ANKDD1B: variants seen among roughly 807,000 people sequenced by gnomAD.
ANKDD1B encodes the protein ankyrin repeat and death domain containing 1B, also known as ankyrin repeat and death domain-containing protein 1B.
A neutral mutation model predicts 59.7 loss-of-function variants in ANKDD1B; 57 were observed. The observed-to-expected ratio is 0.95, with a 90% CI of 0.77 to 1.19. The LOEUF is 1.19. Among genes scored for constraint, ANKDD1B ranks in the 50% most tolerant of loss-of-function variants. The pLI, the probability that ANKDD1B is intolerant of heterozygous loss-of-function variation, is 0.00. For missense variants in ANKDD1B, 602 were observed against 641.9 expected, an observed-to-expected ratio of 0.94 and a Z score of 0.67; for synonymous variants, 216 against 239.5, an observed-to-expected ratio of 0.90 and a Z score of 0.91.
chr5:75,666,591 C>G (rs572284717), intron 11 of ANKDD1B, among the ~76,000 whole-genome samples: 1 of 150,324 alleles, frequency 6.7e-6, no homozygotes, highest in East Asian at 2.0e-4. Flanking sequence ...CAGACGGTAC[C>G]CAAGCTTTTA....
At chr5:75,636,587 C>T (rs1457593666) in intron 7 of ANKDD1B, among the ~76,000 whole-genome samples, 1 of 152,138 alleles carries the variant, frequency 6.6e-6, no homozygotes, top group African/African-American at 2.4e-5. Context: ...TGGGATTCAT[C>T]TTAGGTGTGG....
In ANKDD1B at chr5:75,611,556, G is replaced by A. The variant is rs1773552852; in HGVS notation, c.-79G>A. 1.7e-6 allele frequency: 2 copies of A among 1,142,860 alleles called. No individual in the cohort carries two copies. The highest frequency in any genetic ancestry group is 2.2e-6 in the Non-Finnish European group (2 of 909,686). 70.8% of individuals were successfully genotyped at this position (1,142,860 alleles called of 1,614,324 possible). On this transcript the variant is annotated 5_prime_UTR_variant, in exon 1 of 14. Coordinates refer to ENST00000601380, the MANE Select transcript of ANKDD1B (RefSeq NM_001276713.2). ...CCGCGCCCTGGGCCTGCCTGGGTCTGGATCTGTGTCCGAGTCTGGGTCTGG... is the reference window on the plus strand; with the variant it reads ...CCGCGCCCTGGGCCTGCCTGGGTCTAGATCTGTGTCCGAGTCTGGGTCTGG...
chr5:75,626,782 GTT>G, intron 5 of ANKDD1B, among the ~76,000 whole-genome samples: 1 of 146,620 alleles, frequency 6.8e-6, no homozygotes, highest in African/African-American at 2.5e-5. Flanking sequence ...TCTAGGCCTT[GTT>G]TTTTTTTTTT....
At chr5:75,622,308 C>T (rs1021717736) in intron 3 of ANKDD1B, among the ~76,000 whole-genome samples, 2 of 152,174 alleles carry the variant, frequency 1.3e-5, no homozygotes, top group Admixed American at 6.5e-5. Flanking sequence ...ATCTCAGGCC[C>T]CACCCCAGGC....
At chr5:75,648,264 A>AAAC (rs1554068879) in intron 7 of ANKDD1B, among the ~76,000 whole-genome samples, 19 of 36,152 alleles carry the variant, frequency 5.3e-4, no homozygotes, top group African/African-American at 7.3e-4. Flanking sequence ...AAAAAAAAAA[A>AAAC]ATTAAAAAAA....
chr5:75,639,871 G>T (rs1337513676), intron 7 of ANKDD1B, among the ~76,000 whole-genome samples: 3 of 151,962 alleles, frequency 2.0e-5, no homozygotes, highest in Non-Finnish European at 2.9e-5. Context: ...TCTAGTATTT[G>T]TCTTGAGTTT....
rs944690727 is a variant in ANKDD1B at position 75,671,217 on chromosome 5, T to C, written c.*177T>C. On this transcript the variant is annotated 3_prime_UTR_variant, in exon 14 of 14. Transcript: ENST00000601380. ...ACTTTTCAACCACTAAAAAGTCAAA[T>C]ATAGTTTTTTTTGCTGAGGGCAAGT... is the stretch of plus-strand genomic sequence containing the variant. The C allele has an allele frequency of 5.3e-6, 2 of 375,978 alleles. No homozygotes were observed. The highest frequency in any genetic ancestry group is 2.1e-5 in the African/African-American group (1 of 48,068). 23.3% of individuals were successfully genotyped at this position (375,978 alleles called of 1,614,324 possible).
chr5:75,655,468 C>T (rs1774946607), intron 8 of ANKDD1B, among the ~76,000 whole-genome samples: 1 of 152,206 alleles, frequency 6.6e-6, no homozygotes, highest in Admixed American at 6.5e-5. Flanking sequence ...AATGATTTTG[C>T]CCTTGTGGCT....
chr5:75,627,177 C>T (rs2112967473), intron 5 of ANKDD1B, among the ~76,000 whole-genome samples: 1 of 152,288 alleles, frequency 6.6e-6, no homozygotes, highest in East Asian at 1.9e-4. Flanking sequence ...TGGTTTTAAG[C>T]AAGCTCTTCA....
At position 75,620,175 on chromosome 5, in the gene ANKDD1B, T is replaced by C. The variant is rs118078519; in HGVS notation, c.298-140T>C. On this transcript the variant is annotated intron_variant, in intron 2 of 13. Transcript: ENST00000601380. Reference sequence around the variant, plus strand: ...CGGCTGGACACAATTCTCATAACTTTCAAAGGTAAAGGCAAAGAGTGGAGC... The same window carrying C: ...CGGCTGGACACAATTCTCATAACTTCCAAAGGTAAAGGCAAAGAGTGGAGC... The C allele has an allele frequency of 1.4e-3, 820 of 574,926 alleles. 8 individuals carry two copies. In the East Asian group the frequency reaches 0.02, roughly 14 times the overall value. The allele number at this position is 574,926 out of a possible 1,614,324, so 35.6% of individuals were successfully genotyped here. A position where few individuals can be genotyped will look rare whatever the true frequency, so the allele number is the denominator to read the frequency against.
At chr5:75,637,222 G>A (rs1035006735) in intron 7 of ANKDD1B, among the ~76,000 whole-genome samples, 2 of 125,364 alleles carry the variant, frequency 1.6e-5, no homozygotes, top group African/African-American at 3.3e-5. Flanking sequence ...CTGAGCCTGG[G>A]CGACAGAGAC....
intron 7 of ANKDD1B, among the ~76,000 whole-genome samples, chr5:75,636,196 A>G (rs1774296708): frequency 6.6e-6 from 1 of 152,248 alleles, no homozygotes; most frequent in Admixed American, 6.5e-5. Context: ...GGCTACATGC[A>G]ATAATAGAAG....
At chr5:75,663,514 G>C (rs1306410528) in intron 11 of ANKDD1B, 25 bp downstream of exon 11, 1 of 1,521,166 alleles carries the variant, frequency 6.6e-7, no homozygotes, top group Non-Finnish European at 8.8e-7. Flanking sequence ...TCCCAGCACA[G>C]CAGGGGCTTT....
At chr5:75,636,831 G>A (rs1458397164) in intron 7 of ANKDD1B, among the ~76,000 whole-genome samples, 1 of 152,140 alleles carries the variant, frequency 6.6e-6, no homozygotes, top group East Asian at 1.9e-4. Context: ...TGTCTGGCTT[G>A]GGCTGTTGTT....
intron 8 of ANKDD1B, 150 bp from the exon 9 acceptor site, chr5:75,655,879 A>G (rs1440798817): frequency 3.9e-6 from 2 of 516,626 alleles, no homozygotes; most frequent in East Asian, 3.3e-5. Context: ...ATGACAATAA[A>G]TGCTGAACAC....
At chr5:75,640,452 C>T (rs1404245532) in intron 7 of ANKDD1B, among the ~76,000 whole-genome samples, 3 of 152,206 alleles carry the variant, frequency 2.0e-5, no homozygotes, top group Non-Finnish European at 4.4e-5. Context: ...AGCATATAGT[C>T]TTGGCAGTAC....
At chr5:75,649,854 G>A (rs1774780682) in intron 7 of ANKDD1B, among the ~76,000 whole-genome samples, 1 of 152,198 alleles carries the variant, frequency 6.6e-6, no homozygotes, top group African/African-American at 2.4e-5. Flanking sequence ...TGATCTACAA[G>A]TCTACCAATC....
chr5:75,657,511 T>G (rs1311319358), intron 9 of ANKDD1B, among the ~76,000 whole-genome samples: 1 of 152,230 alleles, frequency 6.6e-6, no homozygotes, highest in African/African-American at 2.4e-5. Context: ...CATTTTCATC[T>G]GTTCCATGTT....
Position 75,620,430 on chromosome 5 carries a change from T to C in ANKDD1B, c.396+17T>C. On this transcript the variant is annotated intron_variant, in intron 3 of 13. Coordinates refer to ENST00000601380, the MANE Select transcript of ANKDD1B (RefSeq NM_001276713.2). ...GCTGATAAGGTAAGCTCATCTTGAG[T>C]AGAACAAGTTGGAGCATAACCAATG... The C allele has an allele frequency of 2.1e-6, 3 of 1,433,560 alleles. No individual in the cohort carries two copies. The highest frequency in any genetic ancestry group is 2.8e-6 in the Non-Finnish European group (3 of 1,056,290). The allele number at this position is 1,433,560 out of a possible 1,614,324, so 88.8% of individuals were successfully genotyped here.
Sources: gnomAD v4.1 joint callset for allele counts (sites outside exome capture counted in the v4.1 genomes callset) on GRCh38, gnomAD v4.1.1 for gene constraint, MANE v1.5 for transcripts, NCBI Gene and HGNC (gene_info 2026-07-23, HGNC 2026-07-21) for gene names.